GABBR2: variants seen among roughly 807,000 people sequenced by gnomAD.
GABBR2 encodes the protein gamma-aminobutyric acid type B receptor subunit 2.
Under a neutral mutation model 105.6 loss-of-function variants are expected in GABBR2, and 23 were observed. The observed-to-expected ratio is 0.22, with a 90% confidence interval of 0.16 to 0.31. The LOEUF is 0.31. Among genes scored for constraint, GABBR2 ranks in the 10% least tolerant of loss-of-function variants. The pLI is 1.00. For missense variants in GABBR2, 734 were observed against 1,245.5 expected (o/e 0.59, Z 6.18); for synonymous variants, 478 against 499.7 (o/e 0.96, Z 0.58).
chr9:98,659,151 G>A (rs1789466890), intron 1 of GABBR2, among the ~76,000 whole-genome samples: 1 of 152,136 alleles, frequency 6.6e-6, no homozygotes, highest in African/African-American at 2.4e-5. Context: ...TTTTCCACTA[G>A]GAAGCTCAGG....
Position 98,675,875 on chromosome 9 carries a change from T to C in GABBR2, c.321+32542A>G, listed in dbSNP as rs536467353. On this transcript the variant is annotated intron_variant, in intron 1 of 18. Transcript: ENST00000259455. ...TGCTGTATTCAACATTTCCAGAGCA[T>C]CTGTGTGGCAGGCATTAAGAAGACA... is the stretch of plus-strand genomic sequence containing the variant. Among the ~76,000 whole-genome samples the C allele has an allele frequency of 2.6e-5, 4 of 152,308 alleles. No individual in the cohort carries two copies. In the South Asian group the frequency reaches 6.2e-4, roughly 24 times the overall value.
chr9:98,631,106 C>A (rs1829811263), intron 1 of GABBR2, among the ~76,000 whole-genome samples: 1 of 152,098 alleles, frequency 6.6e-6, no homozygotes, highest in Non-Finnish European at 1.5e-5. Flanking sequence ...TGATACCCAA[C>A]AAAATCAGAC....
In GABBR2 at chr9:98,541,483, A is replaced by G. The variant is rs112593999; in HGVS notation, c.630+390T>C. On this transcript the variant is annotated intron_variant, in intron 3 of 18. Coordinates refer to ENST00000259455, the MANE Select transcript of GABBR2 (RefSeq NM_005458.8). ...GTACCCCATCCAAGGTGACATTGGC[A>G]TCTTCGGTCCAAGCCAGCCCTTCCC... Among the ~76,000 whole-genome samples, 617 of 152,284 alleles carry G rather than the reference A, an allele frequency of 4.1e-3. 4 individuals carry two copies. The highest frequency in any genetic ancestry group is 0.012 in the African/African-American group (508 of 41,548).
chr9:98,340,627 T>C (rs72759646), intron 13 of GABBR2, among the ~76,000 whole-genome samples: 6,192 of 152,248 alleles, frequency 0.041, 169 homozygotes, highest in South Asian at 0.074. Context: ...AACACCACCC[T>C]TTATGGACAT....
intron 1 of GABBR2, among the ~76,000 whole-genome samples, chr9:98,686,282 T>A (rs1830619519): frequency 6.6e-6 from 1 of 152,132 alleles, no homozygotes; most frequent in Admixed American, 6.5e-5. Flanking sequence ...CCCAACCTGC[T>A]CTTGGGGTAT....
chr9:98,553,609 A>C (rs2131751958), intron 2 of GABBR2, among the ~76,000 whole-genome samples: 1 of 152,272 alleles, frequency 6.6e-6, no homozygotes, highest in Non-Finnish European at 1.5e-5. Flanking sequence ...GAAAAAAAAG[A>C]GGCAAAGCTG....
chr9:98,584,896 C>T (rs934217996), intron 1 of GABBR2, among the ~76,000 whole-genome samples: 15 of 152,334 alleles, frequency 9.8e-5, no homozygotes, highest in Middle Eastern at 3.4e-3. Context: ...GTCTCACTCT[C>T]TCACTAGGGA....
chr9:98,350,636 GA>G (rs1831382650), intron 13 of GABBR2, among the ~76,000 whole-genome samples: 2 of 152,130 alleles, frequency 1.3e-5, no homozygotes, highest in South Asian at 4.2e-4. Flanking sequence ...AAAATTTGTC[GA>G]GACTTGTTTT....
chr9:98,575,399 A>G (rs1346598188), intron 2 of GABBR2, among the ~76,000 whole-genome samples: 1 of 152,172 alleles, frequency 6.6e-6, no homozygotes, highest in African/African-American at 2.4e-5. Flanking sequence ...AGGGGACTCA[A>G]CTTGGGGAGT....
chr9:98,670,432 C>T (rs934559786), intron 1 of GABBR2, among the ~76,000 whole-genome samples: 2 of 152,152 alleles, frequency 1.3e-5, no homozygotes, highest in Non-Finnish European at 1.5e-5. Context: ...AACAATATGG[C>T]GGTTCCCCCC....
chr9:98,513,069 T>C (rs1416106462), intron 3 of GABBR2, among the ~76,000 whole-genome samples: 8 of 152,058 alleles, frequency 5.3e-5, no homozygotes, highest in Non-Finnish European at 8.8e-5. Context: ...TATAGACCAA[T>C]GGAACAGAAC....
intron 7 of GABBR2, among the ~76,000 whole-genome samples, chr9:98,449,370 C>T (rs1826192970): frequency 6.6e-6 from 1 of 152,070 alleles, no homozygotes; most frequent in Admixed American, 6.5e-5. Flanking sequence ...CTCTATACTC[C>T]ATACACCCAG....
intron 7 of GABBR2, among the ~76,000 whole-genome samples, chr9:98,446,179 A>G (rs765864394): frequency 2.6e-5 from 4 of 152,234 alleles, no homozygotes; most frequent in Non-Finnish European, 4.4e-5. Context: ...ACAGAATGGT[A>G]TCTCATAGGT....
At chr9:98,492,449 C>T (rs1324186743) in intron 4 of GABBR2, among the ~76,000 whole-genome samples, 3 of 149,578 alleles carry the variant, frequency 2.0e-5, no homozygotes, top group African/African-American at 4.9e-5. Flanking sequence ...TCCAGTTTTC[C>T]CTATTATTAA....
chr9:98,516,668 C>G (rs889284385), intron 3 of GABBR2, among the ~76,000 whole-genome samples: 2 of 152,160 alleles, frequency 1.3e-5, no homozygotes, highest in Admixed American at 6.5e-5. Context: ...TTCCTGACCC[C>G]GAGGGTGGCA....
At chr9:98,393,283 A>C (rs1469278707) in intron 9 of GABBR2, among the ~76,000 whole-genome samples, 1 of 131,680 alleles carries the variant, frequency 7.6e-6, no homozygotes, top group Admixed American at 7.8e-5. Context: ...ACCCACCCAC[A>C]TACCTATCCA....
chr9:98,514,305 G>A (rs1588206446), intron 3 of GABBR2, among the ~76,000 whole-genome samples: 5 of 130,410 alleles, frequency 3.8e-5, no homozygotes, highest in South Asian at 2.4e-4. Context: ...CCTAATGCTA[G>A]ATGACGAGTT....
chr9:98,606,352 G>T (rs1005510744), intron 1 of GABBR2, among the ~76,000 whole-genome samples: 19 of 152,160 alleles, frequency 1.2e-4, no homozygotes, highest in African/African-American at 4.6e-4. Flanking sequence ...TCGCCACACT[G>T]TCTTCCACAA....
intron 7 of GABBR2, among the ~76,000 whole-genome samples, chr9:98,424,815 G>T (rs2131560585): frequency 6.6e-6 from 1 of 152,226 alleles, no homozygotes; most frequent in South Asian, 2.1e-4. Context: ...ACAAACCACT[G>T]CTCAATGAAA....
Sources: allele counts gnomAD v4.1 joint callset (sites outside exome capture counted in the v4.1 genomes callset), GRCh38; gene constraint gnomAD v4.1.1; transcripts MANE v1.5; gene names NCBI Gene and HGNC (gene_info 2026-07-23, HGNC 2026-07-21).